Variants in ZNF423 observed in about 807,000 individuals in gnomAD.
ZNF423 encodes zinc finger protein 423.
ZNF423 carries 12 observed loss-of-function variants against 95.8 expected under a neutral mutation model. The ratio of observed to expected loss-of-function variants is 0.13; its 90% confidence interval spans 0.08 to 0.20. ZNF423 has a LOEUF of 0.20. Ranked by LOEUF, ZNF423 falls within the 10% of genes least tolerant of loss-of-function variation. The probability of loss-of-function intolerance (pLI) is 1.00; values close to 1 mark genes in which losing one functional copy is unlikely to be tolerated. For missense variants in ZNF423, 1,316 were observed against 1,737.1 expected, an observed-to-expected ratio of 0.76 and a Z score of 4.31; for synonymous variants, 749 against 711.9, an observed-to-expected ratio of 1.05 and a Z score of -0.83.
chr16:49,823,068 A>C (rs1159228952), intron 1 of ZNF423, among the ~76,000 whole-genome samples: 1 of 152,194 alleles, frequency 6.6e-6, no homozygotes, highest in Admixed American at 6.5e-5. Context: ...CAAAGCAGAG[A>C]GGCCCGAGTC....
chr16:49,625,151 G>A (rs1030983739), intron 5 of ZNF423, among the ~76,000 whole-genome samples: 1 of 152,204 alleles, frequency 6.6e-6, no homozygotes, highest in Non-Finnish European at 1.5e-5. Flanking sequence ...GGCCAAGGCG[G>A]GTGGATCACG....
At chr16:49,853,526 G>C (rs1029977319) in intron 1 of ZNF423, among the ~76,000 whole-genome samples, 1 of 152,152 alleles carries the variant, frequency 6.6e-6, no homozygotes, top group Non-Finnish European at 1.5e-5. Context: ...CTGACTCTGC[G>C]GACAGAAAGG....
intron 5 of ZNF423, among the ~76,000 whole-genome samples, chr16:49,618,906 C>T (rs983116881): frequency 5.3e-5 from 8 of 152,142 alleles, no homozygotes; most frequent in Non-Finnish European, 1.0e-4. Context: ...CCCATATCCT[C>T]CTATCCAACA....
At chr16:49,618,000 G>A (rs747854277) in intron 5 of ZNF423, among the ~76,000 whole-genome samples, 16 of 152,188 alleles carry the variant, frequency 1.1e-4, no homozygotes, top group Non-Finnish European at 1.8e-4. Context: ...TGCTGATGCC[G>A]CTGGATCCTC....
chr16:49,494,484 G>A (rs941721840), intron 7 of ZNF423, among the ~76,000 whole-genome samples: 7 of 152,198 alleles, frequency 4.6e-5, no homozygotes, highest in African/African-American at 1.7e-4. Context: ...GACACCAGCT[G>A]GGCCTACCCC....
rs1972642197 is a variant in ZNF423, at chr16:49,635,174, T to C, written c.3516+486A>G. On this transcript the variant is annotated intron_variant, in intron 4 of 7. Transcript: ENST00000563137. This position sits in a 1 kb window ranked among gnomAD's most constrained non-coding sequence, Gnocchi z 4.8. The stretch of plus-strand genomic sequence containing the variant: ...CTGGGCTCTCGGCCCCTTGTGTGTG[T>C]GTGATCTCTATGAACTGTCAAAAGA... 6.6e-6 allele frequency among the ~76,000 whole-genome samples: 1 copy of C among 152,174 alleles called. No individual in the cohort carries two copies. Among genetic ancestry groups the C allele is most frequent in the Non-Finnish European group, 1.5e-5 (1 of 68,030 alleles).
At chr16:49,819,387 T>C (rs2034905945) in intron 1 of ZNF423, among the ~76,000 whole-genome samples, 1 of 152,080 alleles carries the variant, frequency 6.6e-6, no homozygotes, top group Non-Finnish European at 1.5e-5. Context: ...AAAAGGTCTA[T>C]TGGACAGCAC....
chr16:49,641,803 G>A (rs966593929), intron 3 of ZNF423, among the ~76,000 whole-genome samples: 2 of 152,204 alleles, frequency 1.3e-5, no homozygotes, highest in East Asian at 1.9e-4. Context: ...AGAATAAGGC[G>A]CATCTGAGAC....
chr16:49,713,362 C>T (rs541290317), intron 3 of ZNF423, among the ~76,000 whole-genome samples: 2 of 152,304 alleles, frequency 1.3e-5, no homozygotes, highest in Admixed American at 1.3e-4. Flanking sequence ...AGGATATTTG[C>T]CACTGTCCCC....
chr16:49,523,804 C>T (rs1968499133), intron 6 of ZNF423, 65 bp from the exon 7 acceptor site: 2 of 1,325,930 alleles, frequency 1.5e-6, no homozygotes, highest in Non-Finnish European at 2.1e-6. Context: ...GTGGCAGCTG[C>T]CCCCACAACA....
chr16:49,731,033 G>T (rs1567316474), intron 2 of ZNF423, 62 bp from the exon 3 acceptor site: 1 of 1,567,662 alleles, frequency 6.4e-7, no homozygotes, highest in South Asian at 1.1e-5. Context: ...GGTTTTAAAA[G>T]AATCGCCCGG....
At chr16:49,538,245 C>G (rs1035545025) in intron 5 of ZNF423, among the ~76,000 whole-genome samples, 23 of 152,180 alleles carry the variant, frequency 1.5e-4, no homozygotes, top group Admixed American at 1.0e-3. Context: ...CGAGGTGCAG[C>G]GAGCAGAACA....
chr16:49,567,778 G>A (rs1970238268), intron 5 of ZNF423, among the ~76,000 whole-genome samples: 1 of 152,144 alleles, frequency 6.6e-6, no homozygotes. Flanking sequence ...TGGCCCAGAA[G>A]ACCCTCCCTT....
chr16:49,599,877 A>G (rs1257985262), intron 5 of ZNF423, among the ~76,000 whole-genome samples: 1 of 152,224 alleles, frequency 6.6e-6, no homozygotes, highest in Non-Finnish European at 1.5e-5. Flanking sequence ...TATCAGCTAG[A>G]AGGAAGCCTG....
chr16:49,611,542 GAA>G (rs1167240629), intron 5 of ZNF423, among the ~76,000 whole-genome samples: 2 of 151,810 alleles, frequency 1.3e-5, no homozygotes, highest in Non-Finnish European at 1.5e-5. Context: ...TTAATAAAGA[GAA>G]AAAGTCTCAA....
At position 49,809,326 on chromosome 16, in the gene ZNF423, C is replaced by A. The variant is rs555422392; in HGVS notation, c.41-19780G>T. On this transcript the variant is annotated intron_variant, in intron 1 of 7. Coordinates refer to ENST00000563137, the MANE Select transcript of ZNF423 (RefSeq NM_001379286.1). ...GCAGGGGCCGGCCCGGCCCTGGGGG[C>A]CCTTGGAAAAGCTGCCTCGTGCAAA... Among the ~76,000 whole-genome samples, 31 of 152,304 alleles carry A rather than the reference C, an allele frequency of 2.0e-4. No homozygotes were observed. The South Asian group carries it at 6.4e-3, about 32-fold the overall frequency.
At chr16:49,599,776 G>A (rs1321182160) in intron 5 of ZNF423, among the ~76,000 whole-genome samples, 5 of 152,172 alleles carry the variant, frequency 3.3e-5, no homozygotes, top group South Asian at 2.1e-4. Context: ...TGCATGGGGC[G>A]ATTCAACAGA....
chr16:49,799,465 T>C (rs1390178549), intron 1 of ZNF423, among the ~76,000 whole-genome samples: 1 of 138,076 alleles, frequency 7.2e-6, no homozygotes, highest in Non-Finnish European at 1.6e-5. Context: ...TGCCTCAGCA[T>C]CACTGCTTTC....
chr16:49,621,350 C>G (rs959814034), intron 5 of ZNF423, among the ~76,000 whole-genome samples: 3 of 152,160 alleles, frequency 2.0e-5, no homozygotes, highest in African/African-American at 7.2e-5. Flanking sequence ...CAAAGACCCT[C>G]GCCTTTCTAT....
Sources: allele counts gnomAD v4.1 joint callset (sites outside exome capture counted in the v4.1 genomes callset), GRCh38; gene constraint gnomAD v4.1.1; non-coding constraint Gnocchi (gnomAD v3.1); transcripts MANE v1.5; gene names NCBI Gene and HGNC (gene_info 2026-07-23, HGNC 2026-07-21).